The following RNF180 variants were observed in gnomAD, a reference collection of about 807,000 sequenced individuals.
RNF180 encodes the protein ring finger protein 180, also known as E3 ubiquitin-protein ligase RNF180.
Under a neutral mutation model 59.2 loss-of-function variants are expected in RNF180, and 38 were observed. The ratio of observed to expected loss-of-function variants is 0.64; its 90% CI spans 0.50 to 0.84. RNF180 has a LOEUF of 0.84. Among genes scored for constraint, RNF180 ranks in the 40% least tolerant of loss-of-function variants. The probability of loss-of-function intolerance (pLI) is 0.00; values close to 1 mark genes in which losing one functional copy is unlikely to be tolerated. For synonymous variants in RNF180, 262 were observed against 240.3 expected (o/e 1.09, Z -0.84); for missense variants, 705 against 700.9 (o/e 1.01, Z -0.07).
At chr5:64,246,094 A>G (rs893953065) in intron 5 of RNF180, among the ~76,000 whole-genome samples, 8 of 152,162 alleles carry the variant, frequency 5.3e-5, no homozygotes, top group African/African-American at 1.9e-4. Context: ...AACATACCGG[A>G]ATTTCTGGGA....
intron 7 of RNF180, among the ~76,000 whole-genome samples, chr5:64,354,606 C>T (rs562283234): frequency 1.3e-5 from 2 of 151,736 alleles, no homozygotes; most frequent in African/African-American, 4.8e-5. Context: ...ATGAGGACAA[C>T]ACTACCTCAG....
intron 3 of RNF180, among the ~76,000 whole-genome samples, chr5:64,213,075 TA>T (rs1239575553): frequency 1.3e-5 from 2 of 152,168 alleles, no homozygotes; most frequent in African/African-American, 4.8e-5. Context: ...ATGCAATCAG[TA>T]TATTTTGGTT....
chr5:64,315,516 G>A (rs1479931214), intron 5 of RNF180, among the ~76,000 whole-genome samples: 1 of 152,030 alleles, frequency 6.6e-6, no homozygotes, highest in East Asian at 1.9e-4. Context: ...AGTCTGGGGT[G>A]GGTGGATCAC....
At position 64,256,998 on chromosome 5, in the gene RNF180, CTGTT is replaced by C. The variant is rs1744008965; in HGVS notation, c.1227+39606_1227+39609del. Among the ~76,000 whole-genome samples the C allele has an allele frequency of 4.6e-5, 7 of 152,220 alleles. No homozygotes were observed. In the South Asian group the frequency reaches 1.2e-3, roughly 27 times the overall value. On this transcript the variant is annotated intron_variant, in intron 5 of 7. Transcript: ENST00000389100. ...GGGAGTTCACTCCTGATTTGGCTCT[CTGTT>C]TGTCTGTTATTGGTGTATAAGAATG...
chr5:64,304,616 A>T (rs562911028), intron 5 of RNF180, among the ~76,000 whole-genome samples: 1 of 151,702 alleles, frequency 6.6e-6, no homozygotes, highest in East Asian at 1.9e-4. Context: ...CTACAATCTC[A>T]TGATACAATT....
intron 5 of RNF180, among the ~76,000 whole-genome samples, chr5:64,234,465 C>T (rs997077235): frequency 2.0e-5 from 3 of 147,812 alleles, no homozygotes; most frequent in African/African-American, 7.5e-5. Flanking sequence ...GACTCTGTCT[C>T]AAAAATAAAA....
Position 64,274,479 on chromosome 5 carries a change from A to G in RNF180, c.1228-50707A>G, listed in dbSNP as rs189259603. On this transcript the variant is annotated intron_variant, in intron 5 of 7. Coordinates refer to ENST00000389100, the MANE Select transcript of RNF180 (RefSeq NM_001113561.2). ...TTTCGTAATTTATAATTGTGAGTTT[A>G]TCTTTAGTGGGCATTGTTTCTGTAT... is the stretch of plus-strand genomic sequence containing the variant. Among the ~76,000 whole-genome samples the G allele has an allele frequency of 1.7e-3, 257 of 152,000 alleles. 2 individuals carry two copies. The highest frequency in any genetic ancestry group is 5.7e-3 in the African/African-American group (235 of 41,492).
At chr5:64,196,265 C>T (rs780953302) in intron 1 of RNF180, among the ~76,000 whole-genome samples, 5 of 151,776 alleles carry the variant, frequency 3.3e-5, no homozygotes, top group African/African-American at 4.8e-5. Flanking sequence ...AGGAGTCCTG[C>T]TACAAATTTG....
In RNF180 at chr5:64,312,247, G is replaced by T. The variant is rs144375004; in HGVS notation, c.1228-12939G>T. Among the ~76,000 whole-genome samples the T allele has an allele frequency of 7.9e-5, 12 of 152,126 alleles. No individual in the cohort carries two copies. In the East Asian group the frequency reaches 1.7e-3, roughly 22 times the overall value. On this transcript the variant is annotated intron_variant, in intron 5 of 7. Transcript: ENST00000389100. ...CATTTTTGGCCACTTGTAACAAAAA[G>T]ATTTCTAACAAGATCTCAACTTAAA...
chr5:64,361,853 C>T (rs997020730), intron 7 of RNF180, among the ~76,000 whole-genome samples: 1 of 151,170 alleles, frequency 6.6e-6, no homozygotes, highest in Non-Finnish European at 1.5e-5. Context: ...ATTATGTTAT[C>T]ATAATAGTTC....
At chr5:64,249,697 C>G (rs1308067636) in intron 5 of RNF180, among the ~76,000 whole-genome samples, 1 of 152,080 alleles carries the variant, frequency 6.6e-6, no homozygotes, top group African/African-American at 2.4e-5. Flanking sequence ...ATAAAATAGA[C>G]TTTAATTCAA....
At chr5:64,250,263 G>A (rs1252370873) in intron 5 of RNF180, among the ~76,000 whole-genome samples, 2 of 151,952 alleles carry the variant, frequency 1.3e-5, no homozygotes, top group African/African-American at 2.4e-5. Flanking sequence ...AATTGTTGTG[G>A]GATACAGCAA....
intron 5 of RNF180, 186 bp downstream of exon 5, chr5:64,217,582 A>C: frequency 1.0e-6 from 1 of 968,278 alleles, no homozygotes; most frequent in Non-Finnish European, 1.3e-6. Context: ...TCATGACTTT[A>C]ATTTGCTTTT....
At chr5:64,288,846 T>C (rs539023185) in intron 5 of RNF180, among the ~76,000 whole-genome samples, 1 of 152,338 alleles carries the variant, frequency 6.6e-6, no homozygotes, top group East Asian at 1.9e-4. Context: ...ACAAAGATAA[T>C]TTGACTTCTT....
intron 5 of RNF180, among the ~76,000 whole-genome samples, chr5:64,274,900 A>G (rs1741630204): frequency 6.6e-6 from 1 of 152,048 alleles, no homozygotes; most frequent in Non-Finnish European, 1.5e-5. Flanking sequence ...TACTTCCTGC[A>G]TCAGCATGGT....
intron 5 of RNF180, among the ~76,000 whole-genome samples, chr5:64,227,087 C>T (rs191616010): frequency 6.6e-6 from 1 of 152,304 alleles, no homozygotes; most frequent in Non-Finnish European, 1.5e-5. Flanking sequence ...GATCGTCAAC[C>T]ACGGCTCCCT....
intron 1 of RNF180, among the ~76,000 whole-genome samples, chr5:64,189,271 A>G (rs1751018812): frequency 6.6e-6 from 1 of 152,086 alleles, no homozygotes; most frequent in South Asian, 2.1e-4. Context: ...CAAACACATA[A>G]AAATGGAGAA....
intron 5 of RNF180, among the ~76,000 whole-genome samples, chr5:64,317,255 G>GT (rs1043767065): frequency 2.6e-5 from 4 of 151,966 alleles, no homozygotes; most frequent in Non-Finnish European, 4.4e-5. Flanking sequence ...AGTTGCATGA[G>GT]TTTTTTTGTT....
Position 64,364,801 on chromosome 5 carries a change from GT to G in RNF180, c.1580-4813del, listed in dbSNP as rs1392610864. 4.0e-5 allele frequency among the ~76,000 whole-genome samples: 6 copies of G among 151,692 alleles called. No homozygotes were observed. In the East Asian group the frequency reaches 1.2e-3, roughly 30 times the overall value. ...TTCTTTCTGGTTCAGTCTTGGGAGG[GT>G]ATATGTGTCCAGGAGTTTGTCCATT... On this transcript the variant is annotated intron_variant, in intron 7 of 7. Coordinates refer to ENST00000389100, the MANE Select transcript of RNF180 (RefSeq NM_001113561.2).
Sources: allele counts gnomAD v4.1 joint callset (sites outside exome capture counted in the v4.1 genomes callset), GRCh38; gene constraint gnomAD v4.1.1; transcripts MANE v1.5; gene names NCBI Gene and HGNC (gene_info 2026-07-23, HGNC 2026-07-21).